DNMBP: variants seen among roughly 807,000 people sequenced by gnomAD.
The protein encoded by DNMBP is dynamin-binding protein.
Under a neutral mutation model 150.0 loss-of-function variants are expected in DNMBP, and 87 were observed. That is an observed-to-expected ratio of 0.58 (90% CI 0.49 to 0.69). The LOEUF (loss-of-function observed/expected upper bound fraction) is 0.69, where lower values mean the gene tolerates loss of function less well. DNMBP is among the 30% of genes least tolerant of loss of function. The pLI is 0.00. For synonymous variants in DNMBP, 711 were observed against 750.4 expected (o/e 0.95, Z 0.86); for missense variants, 1,774 against 1,949.0 (o/e 0.91, Z 1.69).
At chr10:100,006,745 A>C (rs1010168368) in intron 1 of DNMBP, among the ~76,000 whole-genome samples, 1 of 150,524 alleles carries the variant, frequency 6.6e-6, no homozygotes, top group African/African-American at 2.4e-5. Context: ...CATGCCAAGC[A>C]TGCTCCTGCA....
intron 4 of DNMBP, among the ~76,000 whole-genome samples, chr10:99,937,849 C>G (rs1028997390): frequency 7.2e-5 from 11 of 152,186 alleles, no homozygotes; most frequent in African/African-American, 2.4e-4. Flanking sequence ...AATAGGAAGT[C>G]AACATTATTC....
At chr10:99,987,966 C>T (rs1046145427) in intron 1 of DNMBP, among the ~76,000 whole-genome samples, 4 of 152,088 alleles carry the variant, frequency 2.6e-5, no homozygotes, top group East Asian at 1.9e-4. Context: ...CAGACTTTTG[C>T]GGGGCCATCT....
In DNMBP at chr10:99,956,187, A is replaced by G; in HGVS notation, c.1287T>C (p.Tyr429=). 1 of 1,614,090 alleles carries G rather than the reference A, an allele frequency of 6.2e-7. No homozygotes were observed. Among genetic ancestry groups the G allele is most frequent in the Non-Finnish European group, 8.5e-7 (1 of 1,180,028 alleles). The part of the protein sequence containing the change: ...PFHPNLQKSQ[Y]YSTVGGSHPH... ...GGTGGCTCCCTCCCACTGTAGAATA[A>G]TACTGGCTTTTCTGCAAGTTGGGAT... Residue 429 remains tyrosine (Y), a synonymous_variant, in exon 4 of 17, where the codon TAT becomes TAC. Coordinates refer to ENST00000324109, the MANE Select transcript of DNMBP (RefSeq NM_015221.4).
chr10:99,902,704 G>A (rs992876604), intron 6 of DNMBP, among the ~76,000 whole-genome samples: 2 of 151,144 alleles, frequency 1.3e-5, no homozygotes, highest in African/African-American at 4.9e-5. Flanking sequence ...AAGGTGGGCG[G>A]ATCCCCTGAG....
At chr10:99,987,357 G>T (rs1165343615) in intron 1 of DNMBP, among the ~76,000 whole-genome samples, 1 of 152,008 alleles carries the variant, frequency 6.6e-6, no homozygotes, top group Non-Finnish European at 1.5e-5. Flanking sequence ...ATAAGAAAAA[G>T]AAAATAATAT....
chr10:99,934,403 C>T (rs2040201023), intron 4 of DNMBP, among the ~76,000 whole-genome samples: 1 of 145,130 alleles, frequency 6.9e-6, no homozygotes, highest in Non-Finnish European at 1.5e-5. Context: ...TAAAAACCTC[C>T]TTGTGTGGAA....
chr10:99,886,011 C>T (rs992104908), intron 13 of DNMBP, 145 bp from the exon 14 acceptor site: 2 of 875,844 alleles, frequency 2.3e-6, no homozygotes, highest in African/African-American at 1.7e-5. Context: ...GCAGCTCATT[C>T]TCTGAGCTAC....
chr10:99,929,429 G>C (rs1157410741), intron 4 of DNMBP, among the ~76,000 whole-genome samples: 2 of 152,152 alleles, frequency 1.3e-5, no homozygotes, highest in African/African-American at 4.8e-5. Flanking sequence ...ATATACTCTT[G>C]CTCTGTACAA....
chr10:99,954,179 T>C (rs529841491), intron 4 of DNMBP, among the ~76,000 whole-genome samples: 1 of 151,932 alleles, frequency 6.6e-6, no homozygotes, highest in Non-Finnish European at 1.5e-5. Flanking sequence ...ACTACTGGGA[T>C]ATACCACCAC....
chr10:99,967,700 GGTAT>G (rs2040634781), intron 3 of DNMBP, among the ~76,000 whole-genome samples: 1 of 114,674 alleles, frequency 8.7e-6, no homozygotes, highest in African/African-American at 3.0e-5. Flanking sequence ...TGTGTGTGTG[GGTAT>G]GTGTGTACAT....
chr10:99,964,415 C>A (rs2040596373), intron 3 of DNMBP, among the ~76,000 whole-genome samples: 1 of 151,624 alleles, frequency 6.6e-6, no homozygotes, highest in Non-Finnish European at 1.5e-5. Context: ...AGCCACTGCG[C>A]CCAGCCTCCT....
chr10:99,931,890 T>C lies in DNMBP; in HGVS notation c.2261-22744A>G, dbSNP rs373546566. 3.9e-5 allele frequency among the ~76,000 whole-genome samples: 6 copies of C among 152,258 alleles called. 1 individual carries two copies. The South Asian group carries it at 1.0e-3, about 26-fold the overall frequency. On this transcript the variant is annotated intron_variant, in intron 4 of 16. Transcript: ENST00000324109. ...GCAAGTGGAGGCTTCAGGGAAGCGG[T>C]TGGATGTGAACAGTGACTTCTAGGA...
intron 4 of DNMBP, among the ~76,000 whole-genome samples, chr10:99,926,530 A>T (rs1021324646): frequency 6.6e-6 from 1 of 152,238 alleles, no homozygotes; most frequent in Non-Finnish European, 1.5e-5. Flanking sequence ...ACCTGTCTCC[A>T]GTCCTCCCCT....
intron 1 of DNMBP, among the ~76,000 whole-genome samples, chr10:100,000,491 A>C (rs2040996541): frequency 6.6e-6 from 1 of 152,126 alleles, no homozygotes; most frequent in African/African-American, 2.4e-5. Flanking sequence ...CCTCCGCAGG[A>C]GGGGCTAGAA....
At chr10:99,908,610 G>A (rs1314036952) in intron 5 of DNMBP, among the ~76,000 whole-genome samples, 1 of 152,196 alleles carries the variant, frequency 6.6e-6, no homozygotes, top group Non-Finnish European at 1.5e-5. Flanking sequence ...CTAGAGTCAT[G>A]TAACTGCTCA....
chr10:100,008,294 C>A (rs1425298558), intron 1 of DNMBP, among the ~76,000 whole-genome samples: 1 of 152,072 alleles, frequency 6.6e-6, no homozygotes, highest in African/African-American at 2.4e-5. Context: ...TTATCTCAGC[C>A]AAAAAATACA....
chr10:99,885,860 T>G lies in DNMBP; in HGVS notation c.3625A>C (p.Lys1209Gln). The change falls in exon 14 of 17, where the codon AAA becomes CAA. Residue 1209 changes from lysine (K) to glutamine (Q), a missense_variant. Transcript: ENST00000324109. ...AGGTTTCCCTCTCTGCCAGCCACTT[T>G]GAGTAACTGGGGTCCATGGGAAGAG... ...EQLKPLLSLL[K>Q]VAGREGNLIA... is the part of the protein sequence containing the mutation. 1.9e-6 allele frequency: 3 copies of G among 1,611,210 alleles called. No individual in the cohort carries two copies. Among genetic ancestry groups the G allele is most frequent in the Non-Finnish European group, 2.5e-6 (3 of 1,178,466 alleles).
At chr10:99,942,734 C>T (rs1589431172) in intron 4 of DNMBP, among the ~76,000 whole-genome samples, 1 of 152,164 alleles carries the variant, frequency 6.6e-6, no homozygotes, top group African/African-American at 2.4e-5. Context: ...TCTTGACATA[C>T]ATTCAACCAT....
intron 4 of DNMBP, among the ~76,000 whole-genome samples, chr10:99,953,739 A>G (rs943291693): frequency 2.6e-5 from 4 of 151,372 alleles, no homozygotes; most frequent in Non-Finnish European, 5.9e-5. Context: ...AGATCACTTG[A>G]ACCCGGGAGG....
Sources: allele counts gnomAD v4.1 joint callset (sites outside exome capture counted in the v4.1 genomes callset), GRCh38; gene constraint gnomAD v4.1.1; transcripts MANE v1.5; gene names NCBI Gene and HGNC (gene_info 2026-07-23, HGNC 2026-07-21).